Variants in JMJD1C observed in about 807,000 individuals in gnomAD.
JMJD1C encodes the protein jumonji domain-containing protein 1C.
A neutral mutation model predicts 245.3 loss-of-function variants in JMJD1C; 31 were observed. The observed-to-expected ratio is 0.13, with a 90% confidence interval of 0.09 to 0.17. The LOEUF (loss-of-function observed/expected upper bound fraction) is 0.17. JMJD1C is among the 10% of genes least tolerant of loss of function. JMJD1C has a pLI of 1.00. For synonymous variants in JMJD1C, 1,057 were observed against 1,017.4 expected (o/e 1.04, Z -0.74); for missense variants, 2,691 against 3,000.2 (o/e 0.90, Z 2.41).
intron 3 of JMJD1C, among the ~76,000 whole-genome samples, chr10:63,228,111 C>G (rs75321614): frequency 1.3e-5 from 2 of 152,124 alleles, no homozygotes; most frequent in Non-Finnish European, 2.9e-5. Flanking sequence ...GGCTAGCAAA[C>G]ATTTTTTGTA....
chr10:63,208,208 G>T lies in JMJD1C; in HGVS notation c.3461C>A (p.Pro1154Gln). 6.2e-7 allele frequency: 1 copy of T among 1,614,076 alleles called. No individual in the cohort carries two copies. The highest frequency in any genetic ancestry group is 8.5e-7 in the Non-Finnish European group (1 of 1,179,972). Residue 1154 changes from proline (P) to glutamine (Q), a missense_variant, in exon 10 of 26, where the codon CCA (proline) becomes CAA (glutamine). Around this residue, in one of 9 missense-constraint regions of JMJD1C, gnomAD observed 1,562 missense variants for 1,490.7 expected, o/e 1.05. Transcript: ENST00000399262. The stretch of plus-strand genomic sequence containing the variant: ...CTTGCCTACTAAACCTTCACTTTCT[G>T]GTTGGTGTTTAATCAAAGGTGGAGG... ...SKPPPLIKHQ[P>Q]ESEGLVGKIP...
At chr10:63,286,389 C>A (rs1353130539) in intron 2 of JMJD1C, among the ~76,000 whole-genome samples, 1 of 152,200 alleles carries the variant, frequency 6.6e-6, no homozygotes, top group Non-Finnish European at 1.5e-5. Context: ...CCTTTAGGAA[C>A]CGTTGCTTCA....
intron 3 of JMJD1C, among the ~76,000 whole-genome samples, chr10:63,262,708 A>G (rs77974384): frequency 0.011 from 1,649 of 152,296 alleles, 31 homozygotes; most frequent in African/African-American, 0.037. Context: ...CTTAGTATAT[A>G]CACTAGCAGA....
chr10:63,406,023 C>T (rs1273927332), intron 1 of JMJD1C, among the ~76,000 whole-genome samples: 1 of 152,118 alleles, frequency 6.6e-6, no homozygotes, highest in Admixed American at 6.6e-5. Flanking sequence ...ACCAAACAAG[C>T]CCATTGCCTG....
chr10:63,519,587 T>G (rs192235337), intron 1 of JMJD1C, among the ~76,000 whole-genome samples: 1 of 152,074 alleles, frequency 6.6e-6, no homozygotes, highest in Non-Finnish European at 1.5e-5. Flanking sequence ...AGATAAGAAA[T>G]AGAAATTCAA....
intron 2 of JMJD1C, among the ~76,000 whole-genome samples, chr10:63,295,957 ATATGTGTGTGTGTGTGTG>A (rs1859339545): frequency 1.1e-4 from 10 of 94,540 alleles, no homozygotes; most frequent in African/African-American, 4.4e-4. Flanking sequence ...ATATACACGT[ATATGTGTGTGTGTGTGTG>A]TGTGTGTGTG....
At chr10:63,265,868 TTG>T (rs1190765422) in intron 2 of JMJD1C, among the ~76,000 whole-genome samples, 2 of 152,258 alleles carry the variant, frequency 1.3e-5, no homozygotes, top group East Asian at 3.9e-4. Context: ...TTCAAAATCA[TTG>T]TGTTTCCCCT....
chr10:63,346,717 T>C (rs1434512887), intron 2 of JMJD1C, among the ~76,000 whole-genome samples: 2 of 152,338 alleles, frequency 1.3e-5, no homozygotes, highest in African/African-American at 2.4e-5. Flanking sequence ...TTGTGAATCA[T>C]TTTTCCTTGC....
At chr10:63,434,275 C>T (rs1408111982) in intron 1 of JMJD1C, among the ~76,000 whole-genome samples, 2 of 152,190 alleles carry the variant, frequency 1.3e-5, no homozygotes, top group East Asian at 3.9e-4. Context: ...AACAAAAAAC[C>T]TGGAAAAACA....
intron 1 of JMJD1C, among the ~76,000 whole-genome samples, chr10:63,493,162 A>G (rs952809520): frequency 1.3e-5 from 2 of 151,308 alleles, no homozygotes; most frequent in Non-Finnish European, 3.0e-5. Context: ...ATGTATTCAT[A>G]GCAAAAAGAT....
intron 2 of JMJD1C, among the ~76,000 whole-genome samples, chr10:63,330,288 C>T (rs764734969): frequency 2.8e-4 from 43 of 152,246 alleles, no homozygotes; most frequent in Non-Finnish European, 5.9e-4. Context: ...AGAATATTTT[C>T]ACAACTTACA....
chr10:63,412,462 T>G (rs1949544423), intron 1 of JMJD1C, among the ~76,000 whole-genome samples: 1 of 152,218 alleles, frequency 6.6e-6, no homozygotes, highest in Admixed American at 6.5e-5. Context: ...TGGTATTTAG[T>G]GGAGAGGTCA....
intron 1 of JMJD1C, among the ~76,000 whole-genome samples, chr10:63,411,293 ATTTTTT>A (rs58719205): frequency 2.4e-5 from 2 of 84,544 alleles, no homozygotes; most frequent in African/African-American, 9.4e-5. Context: ...TGTGTCACTG[ATTTTTT>A]TTTTTTTTTT....
chr10:63,371,612 T>C (rs1304873634), intron 2 of JMJD1C, among the ~76,000 whole-genome samples: 1 of 152,192 alleles, frequency 6.6e-6, no homozygotes, highest in Non-Finnish European at 1.5e-5. Flanking sequence ...AAAACTGTTT[T>C]TCAAGCATCG....
intron 1 of JMJD1C, among the ~76,000 whole-genome samples, chr10:63,508,816 C>T (rs1194848296): frequency 3.3e-5 from 5 of 152,160 alleles, no homozygotes; most frequent in Non-Finnish European, 5.9e-5. Flanking sequence ...TAGTGGTTTA[C>T]AAGTTCCAGA....
intron 1 of JMJD1C, among the ~76,000 whole-genome samples, chr10:63,420,093 G>C (rs942822798): frequency 2.0e-5 from 3 of 150,740 alleles, no homozygotes; most frequent in African/African-American, 7.3e-5. Context: ...CCGAGATCAC[G>C]CCACTGCACT....
At chr10:63,407,250 A>C (rs1949223475) in intron 1 of JMJD1C, among the ~76,000 whole-genome samples, 1 of 152,216 alleles carries the variant, frequency 6.6e-6, no homozygotes, top group Admixed American at 6.5e-5. Flanking sequence ...AAAGGTTATG[A>C]AAGGGTCCCT....
intron 22 of JMJD1C, among the ~76,000 whole-genome samples, chr10:63,180,185 T>C (rs1843307703): frequency 6.6e-6 from 1 of 152,082 alleles, no homozygotes; most frequent in African/African-American, 2.4e-5. Context: ...TTTTTCTATT[T>C]TTTAACTACA....
In JMJD1C at chr10:63,453,449, A is replaced by T. The variant is rs1029843345; in HGVS notation, c.168+12046T>A. ...TTAAAACACTCTGATCTTGCGGTAC[A>T]AGAAACAGAAAGATATATGGAATAT... On this transcript the variant is annotated intron_variant, in intron 1 of 25. Transcript: ENST00000399262. 4.2e-4 allele frequency among the ~76,000 whole-genome samples: 64 copies of T among 152,252 alleles called. 1 individual carries two copies. Among genetic ancestry groups the T allele is most frequent in the Non-Finnish European group, 1.5e-4 (10 of 68,048 alleles).
Sources: allele counts gnomAD v4.1 joint callset (sites outside exome capture counted in the v4.1 genomes callset), GRCh38; gene constraint gnomAD v4.1.1; regional missense constraint gnomAD v4.1.1; transcripts MANE v1.5; gene names NCBI Gene and HGNC (gene_info 2026-07-23, HGNC 2026-07-21).